The following SEMA6D variants were observed in gnomAD, a reference collection of about 807,000 sequenced individuals.
SEMA6D encodes the protein semaphorin-6D.
In SEMA6D, 35 loss-of-function variants were observed where a neutral mutation model predicts 106.6. The ratio of observed to expected loss-of-function variants is 0.33; its 90% CI spans 0.25 to 0.44. The LOEUF (loss-of-function observed/expected upper bound fraction) is 0.44, where lower values mean the gene tolerates loss of function less well. SEMA6D is among the 20% of genes least tolerant of loss of function. The probability of loss-of-function intolerance (pLI) is 1.00; values close to 1 mark genes in which losing one functional copy is unlikely to be tolerated. For missense variants in SEMA6D, 1,185 were observed against 1,345.9 expected (o/e 0.88, Z 1.87); for synonymous variants, 499 against 487.7 (o/e 1.02, Z -0.31).
chr15:47,635,948 C>T (rs2077379430), intron 4 of SEMA6D, among the ~76,000 whole-genome samples: 1 of 110,818 alleles, frequency 9.0e-6, no homozygotes, highest in Non-Finnish European at 1.8e-5. Context: ...ATTCACGAAA[C>T]TTAAATGCTA....
At chr15:47,659,919 T>G (rs924822901) in intron 4 of SEMA6D, among the ~76,000 whole-genome samples, 1 of 152,142 alleles carries the variant, frequency 6.6e-6, no homozygotes, top group Non-Finnish European at 1.5e-5. Flanking sequence ...TTTAATTTGA[T>G]GTCCCTTCTT....
chr15:47,541,373 A>T (rs1238354733), intron 3 of SEMA6D, among the ~76,000 whole-genome samples: 1 of 152,198 alleles, frequency 6.6e-6, no homozygotes, highest in Non-Finnish European at 1.5e-5. Context: ...AAAATTCAAG[A>T]TGAAAGAATC....
intron 1 of SEMA6D, among the ~76,000 whole-genome samples, chr15:47,409,308 A>C (rs573595764): frequency 6.6e-6 from 1 of 152,318 alleles, no homozygotes; most frequent in African/African-American, 2.4e-5. Flanking sequence ...TGCCAAGAAA[A>C]GAAAATCCTG....
chr15:47,638,114 CAAAA>C (rs11429221), intron 4 of SEMA6D, among the ~76,000 whole-genome samples: 1 of 150,820 alleles, frequency 6.6e-6, no homozygotes, highest in African/African-American at 2.4e-5. Flanking sequence ...GTATCTTAGA[CAAAA>C]AAAAACCCAA....
chr15:47,448,059 A>G (rs1289343385), intron 2 of SEMA6D, among the ~76,000 whole-genome samples: 1 of 152,052 alleles, frequency 6.6e-6, no homozygotes, highest in Non-Finnish European at 1.5e-5. Flanking sequence ...CCCAATTACA[A>G]CATACTTTGG....
chr15:47,422,172 G>T (rs1047617901), intron 2 of SEMA6D, among the ~76,000 whole-genome samples: 1 of 80,506 alleles, frequency 1.2e-5, no homozygotes, highest in African/African-American at 3.6e-5. Flanking sequence ...TTGCCCGCCC[G>T]CCTGCCTGCC....
intron 18 of SEMA6D, 91 bp from the exon 19 acceptor site, chr15:47,770,406 G>A (rs1166604971): frequency 1.9e-6 from 2 of 1,072,158 alleles, no homozygotes; most frequent in East Asian, 2.4e-5. Context: ...TGAACCATAT[G>A]AAGGTCGTGT....
chr15:47,764,282 C>T lies in SEMA6D; in HGVS notation c.1074C>T (p.Pro358=), dbSNP rs367727576. ...KTPDSVWTAV[P]EDKVPKPRPG... is the part of the protein sequence containing the mutation. ...CAGATTCTGTTTGGACAGCAGTTCC[C>T]GAAGACAAAGTGCCAAAGCCAAGGT... Residue 358 remains proline (P), a synonymous_variant, in exon 11 of 19, where the codon CCC becomes CCT. Transcript: ENST00000536845. The T allele has an allele frequency of 2.0e-5, 33 of 1,613,298 alleles. No individual in the cohort carries two copies. The highest frequency in any genetic ancestry group is 1.9e-4 in the African/African-American group (14 of 74,924).
At chr15:47,624,376 G>C (rs1295019048) in intron 4 of SEMA6D, among the ~76,000 whole-genome samples, 1 of 152,188 alleles carries the variant, frequency 6.6e-6, no homozygotes, top group Non-Finnish European at 1.5e-5. Context: ...TATTAATGGT[G>C]TTGACCTGAG....
intron 1 of SEMA6D, among the ~76,000 whole-genome samples, chr15:47,317,868 G>A (rs541081075): frequency 5.3e-5 from 8 of 151,926 alleles, no homozygotes; most frequent in African/African-American, 1.9e-4. Flanking sequence ...GCTTTTCTCC[G>A]AGCTTTTGGG....
chr15:47,467,164 C>CA (rs2042688676), intron 2 of SEMA6D, among the ~76,000 whole-genome samples: 2 of 152,020 alleles, frequency 1.3e-5, no homozygotes. Context: ...GAAATGAGAA[C>CA]ATGAAGACCT....
chr15:47,365,295 C>A (rs2038970966), intron 1 of SEMA6D, among the ~76,000 whole-genome samples: 1 of 152,142 alleles, frequency 6.6e-6, no homozygotes, highest in Admixed American at 6.5e-5. Flanking sequence ...TGCACTTTTG[C>A]CTCTTCCTGG....
chr15:47,586,382 A>T (rs900089763), intron 3 of SEMA6D, among the ~76,000 whole-genome samples: 1 of 152,160 alleles, frequency 6.6e-6, no homozygotes, highest in Non-Finnish European at 1.5e-5. Context: ...CTCAGAAATC[A>T]TGGTCTTGCT....
chr15:47,497,267 A>G (rs974022831), intron 3 of SEMA6D, among the ~76,000 whole-genome samples: 10 of 151,858 alleles, frequency 6.6e-5, no homozygotes, highest in African/African-American at 1.9e-4. Context: ...GGCATTTTCC[A>G]TATAATTTTT....
chr15:47,537,719 A>G (rs886931250), intron 3 of SEMA6D, among the ~76,000 whole-genome samples: 1 of 152,000 alleles, frequency 6.6e-6, no homozygotes, highest in African/African-American at 2.4e-5. Flanking sequence ...ATGAAGCTTG[A>G]TGATAGACTG....
chr15:47,526,343 G>C (rs890257298), intron 3 of SEMA6D, among the ~76,000 whole-genome samples: 3 of 152,166 alleles, frequency 2.0e-5, no homozygotes, highest in Non-Finnish European at 4.4e-5. Flanking sequence ...AAGCTGGAAA[G>C]GGGGGTCCTT....
intron 1 of SEMA6D, among the ~76,000 whole-genome samples, chr15:47,257,990 A>G (rs1378504767): frequency 6.6e-6 from 1 of 152,196 alleles, no homozygotes; most frequent in Non-Finnish European, 1.5e-5. Flanking sequence ...TCATTTTATC[A>G]TTATACTTAT....
intron 2 of SEMA6D, among the ~76,000 whole-genome samples, chr15:47,425,730 G>A (rs1488330510): frequency 6.6e-6 from 1 of 151,204 alleles, no homozygotes; most frequent in Non-Finnish European, 1.5e-5. Context: ...GAGTGCGGTG[G>A]CATGATATCA....
intron 2 of SEMA6D, among the ~76,000 whole-genome samples, chr15:47,455,598 C>T (rs1496898): frequency 0.25 from 38,149 of 151,772 alleles, 5,590 homozygotes; most frequent in Middle Eastern, 0.45. Flanking sequence ...GATTTAAATA[C>T]GCATCCTAAG....
Sources: gnomAD v4.1 joint callset for allele counts (sites outside exome capture counted in the v4.1 genomes callset) on GRCh38, gnomAD v4.1.1 for gene constraint, MANE v1.5 for transcripts, NCBI Gene and HGNC (gene_info 2026-07-23, HGNC 2026-07-21) for gene names.